The following RAX variants were observed in gnomAD, a reference collection of about 807,000 sequenced individuals.
RAX encodes the protein retinal homeobox protein Rx.
In RAX, 11 loss-of-function variants were observed where a neutral mutation model predicts 17.4. The ratio of observed to expected loss-of-function variants is 0.63; its 90% confidence interval spans 0.40 to 1.05. The LOEUF (loss-of-function observed/expected upper bound fraction) is 1.05, where lower values mean the gene tolerates loss of function less well. RAX is among the 50% of genes least tolerant of loss of function. RAX has a pLI of 0.00. For missense variants in RAX, 527 were observed against 501.1 expected (o/e 1.05, Z -0.49); for synonymous variants, 276 against 254.7 (o/e 1.08, Z -0.80).
At chr18:59,269,596 T>C in intron 2 of RAX, 95 bp from the exon 3 acceptor site, 14 of 1,384,130 alleles carry the variant, frequency 1.0e-5, no homozygotes, top group Admixed American at 2.1e-5. Context: ...CTCCACTCCG[T>C]CCCCCTCAAA....
In RAX at chr18:59,269,084, G is replaced by A. The variant is rs757143543; in HGVS notation, c.961C>T (p.Arg321Cys). The A allele has an allele frequency of 1.9e-6, 3 of 1,612,388 alleles. No individual in the cohort carries two copies. Among genetic ancestry groups the A allele is most frequent in the Non-Finnish European group, 2.5e-6 (3 of 1,179,652 alleles). Residue 321 changes from arginine (R) to cysteine (C), a missense_variant, in exon 3 of 3, where the codon CGC becomes TGC. Coordinates refer to ENST00000334889, the MANE Select transcript of RAX (RefSeq NM_013435.3). ...DKFPLDEADPRNSSIAALRLK... is the reference protein window; with the variant it reads ...DKFPLDEADPCNSSIAALRLK... The stretch of plus-strand genomic sequence containing the variant: ...CGCAGCGCCGCGATGCTGCTGTTGC[G>A]CGGGTCCGCCTCGTCCAGCGGGAAC...
chr18:59,271,035 G>A (rs982934445), intron 2 of RAX, among the ~76,000 whole-genome samples: 3 of 152,128 alleles, frequency 2.0e-5, no homozygotes, highest in African/African-American at 7.2e-5. Flanking sequence ...CCTCGGTGTG[G>A]GAGATCCTGC....
intron 2 of RAX, among the ~76,000 whole-genome samples, chr18:59,270,548 A>G (rs563333017): frequency 2.6e-5 from 4 of 152,374 alleles, no homozygotes. Context: ...TCCGTTTAGT[A>G]GAGAACACAA....
Position 59,273,322 on chromosome 18 carries a change from C to A in RAX, c.-116G>T, listed in dbSNP as rs2070357982. 7.9e-6 allele frequency: 9 copies of A among 1,139,690 alleles called. No individual in the cohort carries two copies. The East Asian group carries it at 2.6e-4, about 33-fold the overall frequency. The allele number at this position is 1,139,690 out of a possible 1,614,324, so 70.6% of individuals were successfully genotyped here. On this transcript the variant is annotated 5_prime_UTR_variant, in exon 1 of 3. Coordinates refer to ENST00000334889, the MANE Select transcript of RAX (RefSeq NM_013435.3). ...GGTCCCGACCCTAGGTCAAGCTCCGCGGGCGAAGCCCGCCCGGGCTGCGCA... is the reference window on the plus strand; with the variant it reads ...GGTCCCGACCCTAGGTCAAGCTCCGAGGGCGAAGCCCGCCCGGGCTGCGCA...
chr18:59,272,938 G>A lies in RAX; in HGVS notation c.269C>T (p.Ala90Val). 13 of 1,460,372 alleles carry A rather than the reference G, an allele frequency of 8.9e-6. No individual in the cohort carries two copies. The highest frequency in any genetic ancestry group is 1.1e-5 in the Non-Finnish European group (12 of 1,123,202). The allele number at this position is 1,460,372 out of a possible 1,614,324, so 90.5% of individuals were successfully genotyped here. ...CTCACCTTCGTACTCGGGGGCGGGC[G>A]CCGGGGCTGGCGGCGGGGAGGGCTC... ...GSEPSPPPAP[A>V]PAPEYEAPRP... The change falls in exon 1 of 3, where the codon GCG becomes GTG. Residue 90 changes from alanine to valine, a missense_variant. Ala to Val is a moderately conservative substitution (Grantham distance 64). Transcript: ENST00000334889.
At position 59,268,000 on chromosome 18, in the gene RAX, GA is replaced by G. The variant is rs1430060670; in HGVS notation, c.*1003del. 6.6e-6 allele frequency: 1 copy of G among 152,174 alleles called. No individual in the cohort carries two copies. The highest frequency in any genetic ancestry group is 1.9e-4 in the East Asian group (1 of 5,172). The allele number at this position is 152,174 out of a possible 1,614,324, so 9.4% of individuals were successfully genotyped here. A position where few individuals can be genotyped will look rare whatever the true frequency, so the allele number is the denominator to read the frequency against. On this transcript the variant is annotated 3_prime_UTR_variant, in exon 3 of 3. Coordinates refer to ENST00000334889, the MANE Select transcript of RAX (RefSeq NM_013435.3). ...GGAGGTTAGAGAGTCTCGCGGCTCC[GA>G]AAAGGAAAAGCATCTCTTTGCCTCA...
chr18:59,269,526 T>C, intron 2 of RAX, 25 bp from the exon 3 acceptor site: 1 of 1,593,740 alleles, frequency 6.3e-7, no homozygotes, highest in South Asian at 1.1e-5. Flanking sequence ...ACAGGGGCCG[T>C]CGGGCAGCAG....
In RAX at chr18:59,268,896, G is replaced by T; in HGVS notation, c.*108C>A. The T allele has an allele frequency of 1.9e-6, 3 of 1,555,654 alleles. No individual in the cohort carries two copies. Among genetic ancestry groups the T allele is most frequent in the South Asian group, 1.1e-5 (1 of 87,514 alleles). On this transcript the variant is annotated 3_prime_UTR_variant, in exon 3 of 3. Coordinates refer to ENST00000334889, the MANE Select transcript of RAX (RefSeq NM_013435.3). The surrounding 1 kb of genome is among the most constrained non-coding windows in gnomAD (Gnocchi z 4.4). ...CTATGCTTGGCGGGTGGCTGCAGGC[G>T]ACAGGGAAAGAGGGGCCGAGCTGGG...
chr18:59,269,376 G>A lies in RAX; in HGVS notation c.669C>T (p.Pro223=), dbSNP rs1405131319. The A allele has an allele frequency of 6.0e-6, 9 of 1,493,764 alleles. No homozygotes were observed. Among genetic ancestry groups the A allele is most frequent in the Non-Finnish European group, 8.0e-6 (9 of 1,126,508 alleles). 92.5% of individuals were successfully genotyped at this position (1,493,764 alleles called of 1,614,324 possible). A position where few individuals can be genotyped will look rare whatever the true frequency, so the allele number is the denominator to read the frequency against. ...SRSPPSATLS[P]LGAGPGSGGG... ...CACCGCTGCCCGGGCCCGCCCCGAG[G>A]GGCGACAGCGTCGCGGAGGGCGGGG... Residue 223 remains proline (P), a synonymous_variant, in exon 3 of 3, where the codon CCC becomes CCT. Coordinates refer to ENST00000334889, the MANE Select transcript of RAX (RefSeq NM_013435.3).
Position 59,268,852 on chromosome 18 carries a change from G to A in RAX, c.*152C>T. On this transcript the variant is annotated 3_prime_UTR_variant, in exon 3 of 3. Coordinates refer to ENST00000334889, the MANE Select transcript of RAX (RefSeq NM_013435.3). This position sits in a 1 kb window ranked among gnomAD's most constrained non-coding sequence, Gnocchi z 4.4. ...TCGCCCTTCTCCCCGTGCATCGGGA[G>A]CAGGCGCGTGGCCCTGAACTATGCT... 5 of 1,280,176 alleles carry A rather than the reference G, an allele frequency of 3.9e-6. No homozygotes were observed. The allele number at this position is 1,280,176 out of a possible 1,614,324, so 79.3% of individuals were successfully genotyped here.
In RAX at chr18:59,273,214, G is replaced by T. The variant is rs1356393118; in HGVS notation, c.-8C>A. 9.8e-6 allele frequency: 15 copies of T among 1,525,628 alleles called. No individual in the cohort carries two copies. The highest frequency in any genetic ancestry group is 8.5e-5 in the South Asian group (7 of 82,820). The allele number at this position is 1,525,628 out of a possible 1,614,324, so 94.5% of individuals were successfully genotyped here. On this transcript the variant is annotated 5_prime_UTR_variant, in exon 1 of 3. Coordinates refer to ENST00000334889, the MANE Select transcript of RAX (RefSeq NM_013435.3). Reference sequence around the variant, plus strand: ...GCAGCCCGGCAGGTGCATGGGGAGCGCCGGGAGGCGGGAGGGCGCTTTGGA... The same window carrying T: ...GCAGCCCGGCAGGTGCATGGGGAGCTCCGGGAGGCGGGAGGGCGCTTTGGA...
chr18:59,272,643 A>G, intron 1 of RAX, 29 bp from the exon 2 acceptor site: 1 of 1,597,990 alleles, frequency 6.3e-7, no homozygotes, highest in African/African-American at 1.3e-5. Context: ...GGAGGGTCAG[A>G]TGCACTCCCC....
In RAX at chr18:59,269,090, C is replaced by T. The variant is rs1368829275; in HGVS notation, c.955G>A (p.Asp319Asn). 9.9e-6 allele frequency: 16 copies of T among 1,611,984 alleles called. No individual in the cohort carries two copies. Among genetic ancestry groups the T allele is most frequent in the Non-Finnish European group, 1.4e-5 (16 of 1,179,446 alleles). The change falls in exon 3 of 3, where the codon GAC becomes AAC. Residue 319 changes from aspartate to asparagine, a missense_variant. Transcript: ENST00000334889. ...GCCGCGATGCTGCTGTTGCGCGGGT[C>T]CGCCTCGTCCAGCGGGAACTTGTCC... is the stretch of plus-strand genomic sequence containing the variant. ...FGDKFPLDEA[D>N]PRNSSIAALR...
At position 59,268,679 on chromosome 18, in the gene RAX, A is replaced by T; in HGVS notation, c.*325T>A. On this transcript the variant is annotated 3_prime_UTR_variant, in exon 3 of 3. Coordinates refer to ENST00000334889, the MANE Select transcript of RAX (RefSeq NM_013435.3). The surrounding 1 kb of genome is among the most constrained non-coding windows in gnomAD (Gnocchi z 4.4). ...GGGAATGGCCAAGTTTAGGAGCTTC[A>T]GCCTGTTTGGGCCTGGAGGCTCCAG... 1 of 477,978 alleles carries T rather than the reference A, an allele frequency of 2.1e-6. No homozygotes were observed. The allele number at this position is 477,978 out of a possible 1,614,324, so 29.6% of individuals were successfully genotyped here. A position where few individuals can be genotyped will look rare whatever the true frequency, so the allele number is the denominator to read the frequency against.
At chr18:59,270,453 C>T (rs2070329007) in intron 2 of RAX, among the ~76,000 whole-genome samples, 1 of 152,162 alleles carries the variant, frequency 6.6e-6, no homozygotes, top group Admixed American at 6.5e-5. Context: ...TCCAATGAAA[C>T]TTCATTACTG....
rs557530145 is a variant in RAX at position 59,272,854 on chromosome 18, C to T, written c.289+64G>A. 1.5e-5 allele frequency: 22 copies of T among 1,487,872 alleles called. No individual in the cohort carries two copies. The East Asian group carries it at 1.6e-4, about 11-fold the overall frequency. 92.2% of individuals were successfully genotyped at this position (1,487,872 alleles called of 1,614,324 possible). A position where few individuals can be genotyped will look rare whatever the true frequency, so the allele number is the denominator to read the frequency against. Reference sequence around the variant, plus strand: ...ATAAAAGTTAAGGAAGGGGCGCTCTCGTCTGGCCAACTCCTAAGCTCGGGC... The same window carrying T: ...ATAAAAGTTAAGGAAGGGGCGCTCTTGTCTGGCCAACTCCTAAGCTCGGGC... On this transcript the variant is annotated intron_variant, in intron 1 of 2. Transcript: ENST00000334889.
In RAX at chr18:59,269,736, C is replaced by CT. The variant is rs1368516051; in HGVS notation, c.544-236dup. Among the ~76,000 whole-genome samples the CT allele has an allele frequency of 9.4e-4, 70 of 74,248 alleles. 1 individual carries two copies. The highest frequency in any genetic ancestry group is 2.9e-3 in the African/African-American group (64 of 21,758). The allele number at this position is 74,248 out of a possible 152,430, so 48.7% of individuals were successfully genotyped here. On this transcript the variant is annotated intron_variant, in intron 2 of 2. Coordinates refer to ENST00000334889, the MANE Select transcript of RAX (RefSeq NM_013435.3). ...ATCCCCTTTCTCTCTCTCTCTCTCT[C>CT]TCTTTTTTTTTTTTTTTTGGCCTCT...
Position 59,273,140 on chromosome 18 carries a change from G to A in RAX, c.67C>T (p.Arg23Cys), listed in dbSNP as rs1436913110. The A allele has an allele frequency of 5.2e-6, 8 of 1,534,578 alleles. No homozygotes were observed. The highest frequency in any genetic ancestry group is 7.0e-6 in the Non-Finnish European group (8 of 1,146,212). ...GSFSLAGHLL[R>C]SPGGSTSRLH... Reference sequence around the variant, plus strand: ...CGCGAGGTGCTCCCGCCCGGGCTGCGGAGCAGGTGGCCGGCAAGCGAGAAG... The same window carrying A: ...CGCGAGGTGCTCCCGCCCGGGCTGCAGAGCAGGTGGCCGGCAAGCGAGAAG... The change falls in exon 1 of 3, where the codon CGC (arginine) becomes TGC (cysteine). Residue 23 changes from arginine to cysteine, a missense_variant. By Grantham distance (180) the Arg-to-Cys change is radical. Transcript: ENST00000334889.
chr18:59,270,972 C>T (rs2070333785), intron 2 of RAX, among the ~76,000 whole-genome samples: 1 of 152,138 alleles, frequency 6.6e-6, no homozygotes, highest in Admixed American at 6.5e-5. Flanking sequence ...ATCTAGTGTC[C>T]CAGGTTATAG....
Sources: allele counts gnomAD v4.1 joint callset (sites outside exome capture counted in the v4.1 genomes callset), GRCh38; gene constraint gnomAD v4.1.1; non-coding constraint Gnocchi (gnomAD v3.1); transcripts MANE v1.5; gene names NCBI Gene and HGNC (gene_info 2026-07-23, HGNC 2026-07-21).